The following SRRM3 variants were observed in gnomAD, a reference collection of about 807,000 sequenced individuals.
SRRM3 encodes the protein serine/arginine repetitive matrix protein 3.
SRRM3 carries 27 observed loss-of-function variants against 66.2 expected under a neutral mutation model. The ratio of observed to expected loss-of-function variants is 0.41; its 90% CI spans 0.30 to 0.56. The LOEUF is 0.56. SRRM3 is among the 20% of genes least tolerant of loss of function. The probability of loss-of-function intolerance (pLI) is 0.32; values close to 1 mark genes in which losing one functional copy is unlikely to be tolerated. For synonymous variants in SRRM3, 391 were observed against 414.9 expected (o/e 0.94, Z 0.70); for missense variants, 918 against 991.9 (o/e 0.93, Z 1.00).
chr7:76,212,730 A>G (rs1305883957), intron 1 of SRRM3, among the ~76,000 whole-genome samples: 1 of 152,066 alleles, frequency 6.6e-6, no homozygotes, highest in African/African-American at 2.4e-5. Context: ...TGGCCTCCCA[A>G]AGTGCAGGGA....
At chr7:76,209,662 T>C (rs1292265396) in intron 1 of SRRM3, among the ~76,000 whole-genome samples, 1 of 150,440 alleles carries the variant, frequency 6.6e-6, no homozygotes, top group Admixed American at 6.7e-5. Flanking sequence ...TGGAGTGCAA[T>C]AGTGAGATCA....
intron 2 of SRRM3, among the ~76,000 whole-genome samples, chr7:76,238,034 T>C (rs1554605159): frequency 6.6e-6 from 1 of 151,844 alleles, no homozygotes. Flanking sequence ...GTCCTTATCC[T>C]GGAGCCACCT....
intron 2 of SRRM3, among the ~76,000 whole-genome samples, chr7:76,246,577 T>A (rs991350483): frequency 8.6e-5 from 13 of 151,498 alleles, no homozygotes; most frequent in Non-Finnish European, 1.8e-4. Flanking sequence ...AAATAAAAAT[T>A]AAAAAAAAGA....
intron 1 of SRRM3, among the ~76,000 whole-genome samples, chr7:76,225,862 G>T (rs1044609884): frequency 5.9e-5 from 9 of 152,146 alleles, no homozygotes; most frequent in African/African-American, 2.2e-4. Context: ...CATTTTACAG[G>T]CAAGGAAACT....
In SRRM3 at chr7:76,260,098, C is replaced by T. The variant is rs1297710779; in HGVS notation, c.465-19C>T. The T allele has an allele frequency of 4.3e-6, 6 of 1,404,658 alleles. No homozygotes were observed. The highest frequency in any genetic ancestry group is 5.6e-5 in the East Asian group (2 of 35,724). 87.0% of individuals were successfully genotyped at this position (1,404,658 alleles called of 1,614,324 possible). ...GCTGCCCCCCCTCACCGCCCCCACC[C>T]CCGCCCCTTCTCCCCCAGGACCAAG... On this transcript the variant is annotated intron_variant, in intron 4 of 14. Coordinates refer to ENST00000611745, the MANE Select transcript of SRRM3 (RefSeq NM_001110199.3).
At chr7:76,238,586 T>C (rs190959828) in intron 2 of SRRM3, among the ~76,000 whole-genome samples, 1 of 151,698 alleles carries the variant, frequency 6.6e-6, no homozygotes, top group East Asian at 2.0e-4. Flanking sequence ...CCAGCCTTTC[T>C]GACGAGATGC....
intron 1 of SRRM3, among the ~76,000 whole-genome samples, chr7:76,207,152 A>G (rs1348229951): frequency 1.3e-5 from 2 of 152,144 alleles, no homozygotes; most frequent in African/African-American, 4.8e-5. Flanking sequence ...AAAATAAAAA[A>G]TTAGCCATGT....
intron 1 of SRRM3, among the ~76,000 whole-genome samples, chr7:76,233,666 C>T (rs1801067651): frequency 1.3e-5 from 2 of 152,092 alleles, no homozygotes; most frequent in African/African-American, 4.8e-5. Context: ...GCACTCCCCT[C>T]TCCAGAAGAC....
chr7:76,214,278 C>T (rs995317499), intron 1 of SRRM3, among the ~76,000 whole-genome samples: 1 of 152,072 alleles, frequency 6.6e-6, no homozygotes, highest in Admixed American at 6.6e-5. Flanking sequence ...AGCTCCCACT[C>T]CCGATCCGAC....
chr7:76,250,362 G>T (rs905074798), intron 3 of SRRM3, among the ~76,000 whole-genome samples: 2 of 152,038 alleles, frequency 1.3e-5, no homozygotes, highest in East Asian at 3.9e-4. Context: ...CTCCTGAGTA[G>T]CTGGGATTGC....
chr7:76,265,322 G>T, intron 9 of SRRM3, 42 bp from the exon 10 acceptor site: 1 of 1,494,154 alleles, frequency 6.7e-7, no homozygotes, highest in Non-Finnish European at 9.2e-7. Flanking sequence ...GATCACGGGG[G>T]GCAGAATTGA....
intron 10 of SRRM3, among the ~76,000 whole-genome samples, chr7:76,266,622 TAA>T (rs1195512035): frequency 7.7e-6 from 1 of 129,942 alleles, no homozygotes; most frequent in African/African-American, 2.9e-5. Flanking sequence ...TGTTATATAT[TAA>T]TATATATTTA....
intron 1 of SRRM3, among the ~76,000 whole-genome samples, chr7:76,213,473 C>CTAGCTAAGAAGTGGTTGACCCA: frequency 6.6e-6 from 1 of 152,122 alleles, no homozygotes; most frequent in Non-Finnish European, 1.5e-5. Flanking sequence ...ATAACATCGC[C>CTAGCTAAGAAGTGGTTGACCCA]CAGCTAAGAA....
At chr7:76,267,566 C>A in intron 11 of SRRM3, 131 bp downstream of exon 11, 1 of 734,532 alleles carries the variant, frequency 1.4e-6, no homozygotes, top group Non-Finnish European at 1.9e-6. Context: ...CGCTTCCTCC[C>A]TCCTCGGCTC....
chr7:76,221,057 T>TTTC (rs1554603124), intron 1 of SRRM3, among the ~76,000 whole-genome samples: 1 of 135,176 alleles, frequency 7.4e-6, no homozygotes, highest in Non-Finnish European at 1.6e-5. Context: ...CTTACCCGTC[T>TTTC]TTTTTTTTTT....
intron 11 of SRRM3, among the ~76,000 whole-genome samples, chr7:76,270,777 G>A (rs1348770590): frequency 6.6e-6 from 1 of 150,992 alleles, no homozygotes; most frequent in Non-Finnish European, 1.5e-5. Flanking sequence ...TCATACCACT[G>A]CACTCCAGCC....
In SRRM3 at chr7:76,285,742, A is replaced by G. The variant is rs1399710236; in HGVS notation, c.1861A>G (p.Ser621Gly). ...CCCCGGCCACAGCCACGGGAGCTAC[A>G]GCAGTCGCAGCCATGGGACCCGCAG... Reference protein sequence around the residue: ...PSPGHSHGSYSSRSHGTRSRT... With the variant: ...PSPGHSHGSYGSRSHGTRSRT... Residue 621 changes from serine (S) to glycine (G), a missense_variant, in exon 15 of 15, where the codon AGC (serine) becomes GGC (glycine). Transcript: ENST00000611745. This position sits in a 1 kb window ranked among gnomAD's most constrained non-coding sequence, Gnocchi z 4.1. 2.6e-6 allele frequency: 4 copies of G among 1,550,612 alleles called. No homozygotes were observed. The highest frequency in any genetic ancestry group is 1.4e-5 in the African/African-American group (1 of 73,032).
chr7:76,266,676 A>AT (rs1802065716), intron 10 of SRRM3, among the ~76,000 whole-genome samples: 2 of 134,142 alleles, frequency 1.5e-5, no homozygotes, highest in African/African-American at 5.6e-5. Flanking sequence ...ATATTTATAT[A>AT]TATAATATAT....
At chr7:76,204,351 C>G (rs1295983374) in intron 1 of SRRM3, among the ~76,000 whole-genome samples, 1 of 152,208 alleles carries the variant, frequency 6.6e-6, no homozygotes, top group Non-Finnish European at 1.5e-5. Context: ...TACACTGAGC[C>G]TCTGCCCATG....
Sources: gnomAD v4.1 joint callset for allele counts (sites outside exome capture counted in the v4.1 genomes callset) on GRCh38, gnomAD v4.1.1 for gene constraint, Gnocchi (gnomAD v3.1) non-coding constraint, MANE v1.5 for transcripts, NCBI Gene and HGNC (gene_info 2026-07-23, HGNC 2026-07-21) for gene names.